STK11: variants seen among roughly 807,000 people sequenced by gnomAD.
The protein encoded by STK11 is serine/threonine kinase 11.
Under a neutral mutation model 47.3 loss-of-function variants are expected in STK11, and 8 were observed. The ratio of observed to expected loss-of-function variants is 0.17; its 90% CI spans 0.10 to 0.31. The LOEUF is 0.31. Among genes scored for constraint, STK11 ranks in the 10% least tolerant of loss-of-function variants. The pLI is 1.00. For missense variants in STK11, 475 were observed against 605.0 expected, an observed-to-expected ratio of 0.79 and a Z score of 2.25; for synonymous variants, 330 against 255.8, an observed-to-expected ratio of 1.29 and a Z score of -2.77.
At chr19:1,216,070 G>A (rs62128784) in intron 1 of STK11, among the ~76,000 whole-genome samples, 8,211 of 151,334 alleles carry the variant, frequency 0.054, 250 homozygotes, top group East Asian at 0.14. Context: ...TGGGCTTCCT[G>A]TTAAGAATTA....
Position 1,214,319 on chromosome 19 carries a change from C to T in STK11, c.291-4098C>T, listed in dbSNP as rs1432068997. On this transcript the variant is annotated intron_variant, in intron 1 of 9. Transcript: ENST00000326873. ...ATAAATCGGGGGACGCACGTGCCTG[C>T]GCAGAATGCCTTGGTCCCTTTTAAT... Among the ~76,000 whole-genome samples the T allele has an allele frequency of 2.0e-5, 3 of 152,306 alleles. No homozygotes were observed. The South Asian group carries it at 6.2e-4, about 32-fold the overall frequency.
intron 8 of STK11, chr19:1,224,085 C>T (rs1795109786): frequency 1.0e-6 from 1 of 996,114 alleles, no homozygotes; most frequent in Non-Finnish European, 1.2e-6. Context: ...CCATTAGGTC[C>T]CTCAGCACTC....
rs1228652245 is a variant in STK11 at position 1,219,267 on chromosome 19, G to C, written c.375-57G>C. Reference sequence around the variant, plus strand: ...CCAGAGCCCCTTTTCTGGCCCCCGTGCTCCCTGGGCCTGTGAGTGGGGCCG... The same window carrying C: ...CCAGAGCCCCTTTTCTGGCCCCCGTCCTCCCTGGGCCTGTGAGTGGGGCCG... On this transcript the variant is annotated intron_variant, in intron 2 of 9. Coordinates refer to ENST00000326873, the MANE Select transcript of STK11 (RefSeq NM_000455.5). 1.4e-5 allele frequency: 22 copies of C among 1,542,522 alleles called. No individual in the cohort carries two copies. In the East Asian group the frequency reaches 4.6e-4, roughly 33 times the overall value.
At chr19:1,225,133 G>A (rs141300281) in intron 8 of STK11, 1 of 985,526 alleles carries the variant, frequency 1.0e-6, no homozygotes, top group Non-Finnish European at 1.2e-6. Flanking sequence ...AGTGTGGGGT[G>A]GGGCAAGGGC....
intron 5 of STK11, 90 bp from the exon 6 acceptor site, chr19:1,221,123 G>A (rs1056490901): frequency 6.4e-7 from 1 of 1,559,910 alleles, no homozygotes; most frequent in South Asian, 1.2e-5. Flanking sequence ...GCAGCCACGG[G>A]ACGCCTCTGT....
Position 1,220,081 on chromosome 19 carries a change from C to T in STK11, c.465-292C>T, listed in dbSNP as rs533536671. On this transcript the variant is annotated intron_variant, in intron 3 of 9. Coordinates refer to ENST00000326873, the MANE Select transcript of STK11 (RefSeq NM_000455.5). ...GCAGGACCACAGGGGCAGGGAGGGGCCTGCTGTTCCAGCAAGACTTTGGGG... is the reference window on the plus strand; with the variant it reads ...GCAGGACCACAGGGGCAGGGAGGGGTCTGCTGTTCCAGCAAGACTTTGGGG... The T allele has an allele frequency of 1.3e-5, 5 of 398,502 alleles. No individual in the cohort carries two copies. The South Asian group carries it at 1.9e-4, about 15-fold the overall frequency. The allele number at this position is 398,502 out of a possible 1,614,324, so 24.7% of individuals were successfully genotyped here.
chr19:1,213,296 A>T (rs1239287334), intron 1 of STK11, among the ~76,000 whole-genome samples: 1 of 152,060 alleles, frequency 6.6e-6, no homozygotes, highest in African/African-American at 2.4e-5. Context: ...CGCACCCGGC[A>T]AAGTTCACCT....
intron 8 of STK11, 185 bp from the exon 9 acceptor site, chr19:1,226,269 G>T (rs1299492446): frequency 7.0e-7 from 1 of 1,422,036 alleles, no homozygotes; most frequent in Non-Finnish European, 9.2e-7. Context: ...GCTCAGCCCC[G>T]GGGGGTGCCT....
chr19:1,220,264 C>T (rs2080772939), intron 3 of STK11, 109 bp from the exon 4 acceptor site: 2 of 1,426,542 alleles, frequency 1.4e-6, no homozygotes, highest in Non-Finnish European at 1.9e-6. Flanking sequence ...ACTTCTGTGA[C>T]TTCCCAGCTG....
intron 9 of STK11, 59 bp downstream of exon 9, chr19:1,226,722 A>G: frequency 1.4e-6 from 2 of 1,436,844 alleles, no homozygotes; most frequent in South Asian, 1.5e-5. Flanking sequence ...TGCCACAGCC[A>G]GCCGTGAGCA....
chr19:1,206,737 G>C lies in STK11; in HGVS notation c.-177G>C. The stretch of plus-strand genomic sequence containing the variant: ...TTGGACTCGCAGCCGGGACTGACGT[G>C]TAGAACAATCGTTTCTGTTGGAAGA... On this transcript the variant is annotated 5_prime_UTR_variant, in exon 1 of 10. Coordinates refer to ENST00000326873, the MANE Select transcript of STK11 (RefSeq NM_000455.5). 1.1e-6 allele frequency: 1 copy of C among 890,712 alleles called. No individual in the cohort carries two copies. Among genetic ancestry groups the C allele is most frequent in the Admixed American group, 2.9e-5 (1 of 34,094 alleles). The allele number at this position is 890,712 out of a possible 1,614,324, so 55.2% of individuals were successfully genotyped here.
At chr19:1,220,091 C>A in intron 3 of STK11, 1 of 428,686 alleles carries the variant, frequency 2.3e-6, no homozygotes, top group South Asian at 3.5e-5. Context: ...CCTGCTGTTC[C>A]AGCAAGACTT....
In STK11 at chr19:1,220,773, C is replaced by A. The variant is rs551470868; in HGVS notation, c.734+56C>A. 1.9e-5 allele frequency: 30 copies of A among 1,545,946 alleles called. No homozygotes were observed. In the African/African-American group the frequency reaches 3.8e-4, roughly 20 times the overall value. The stretch of plus-strand genomic sequence containing the variant: ...ACACGCACACTCCGAGGGGCCTCTG[C>A]GTCTTGGGCAGCTGCCGGCCTGTGG... On this transcript the variant is annotated intron_variant, in intron 5 of 9. Transcript: ENST00000326873.
intron 1 of STK11, among the ~76,000 whole-genome samples, chr19:1,210,068 ACT>A (rs2080698956): frequency 6.6e-6 from 1 of 152,030 alleles, no homozygotes; most frequent in African/African-American, 2.4e-5. Flanking sequence ...CTTCCTGGTC[ACT>A]GTCTGCCATC....
At chr19:1,220,317 A>AC (rs2080773270) in intron 3 of STK11, 56 bp from the exon 4 acceptor site, 5 of 1,557,822 alleles carry the variant, frequency 3.2e-6, no homozygotes, top group Middle Eastern at 1.7e-4. Flanking sequence ...TGCAAAGGGG[A>AC]CCCCTGTGAG....
At chr19:1,211,080 G>A (rs144558213) in intron 1 of STK11, among the ~76,000 whole-genome samples, 1,795 of 152,250 alleles carry the variant, frequency 0.012, 49 homozygotes, top group African/African-American at 0.041. Context: ...TTCAAGACCA[G>A]CCTGGCCAAT....
chr19:1,223,727 C>G lies in STK11; in HGVS notation c.1108+555C>G, dbSNP rs558436789. On this transcript the variant is annotated intron_variant, in intron 8 of 9. Coordinates refer to ENST00000326873, the MANE Select transcript of STK11 (RefSeq NM_000455.5). The stretch of plus-strand genomic sequence containing the variant: ...AGACCTTTCAGGAGAGGAAGCCTCT[C>G]GGCCGGCGCCGCAGTAGTGCCTGAG... 6.7e-6 allele frequency: 7 copies of G among 1,040,602 alleles called. No individual in the cohort carries two copies. In the East Asian group the frequency reaches 2.3e-4, roughly 34 times the overall value. 64.5% of individuals were successfully genotyped at this position (1,040,602 alleles called of 1,614,324 possible).
rs2080665251 is a variant in STK11 at position 1,206,401 on chromosome 19, G to A, written c.-513G>A. On this transcript the variant is annotated 5_prime_UTR_variant, in exon 1 of 10. Transcript: ENST00000326873. ...GTGGGACCGGGGCGTCGCCGGAGAC[G>A]CCCCCAGCGAAGTTGGGCTCTCCAG... 4.3e-6 allele frequency: 1 copy of A among 233,392 alleles called. No individual in the cohort carries two copies. Among genetic ancestry groups the A allele is most frequent in the East Asian group, 6.0e-5 (1 of 16,588 alleles). 14.5% of individuals were successfully genotyped at this position (233,392 alleles called of 1,614,324 possible).
At chr19:1,209,836 C>T (rs2080697193) in intron 1 of STK11, among the ~76,000 whole-genome samples, 1 of 151,782 alleles carries the variant, frequency 6.6e-6, no homozygotes, top group East Asian at 1.9e-4. Context: ...CTAGTCTGGC[C>T]CAGTGCCTGG....
Sources: gnomAD v4.1 joint callset for allele counts (sites outside exome capture counted in the v4.1 genomes callset) on GRCh38, gnomAD v4.1.1 for gene constraint, MANE v1.5 for transcripts, NCBI Gene and HGNC (gene_info 2026-07-23, HGNC 2026-07-21) for gene names.